SEMA5A: variants seen among roughly 807,000 people sequenced by gnomAD.
The protein encoded by SEMA5A is semaphorin 5A, also known as semaphorin-5A.
SEMA5A carries 55 observed loss-of-function variants against 135.5 expected under a neutral mutation model. The ratio of observed to expected loss-of-function variants is 0.41; its 90% confidence interval spans 0.33 to 0.51. The LOEUF (loss-of-function observed/expected upper bound fraction) is 0.51, where lower values mean the gene tolerates loss of function less well. SEMA5A is among the 20% of genes least tolerant of loss of function. The pLI, the probability that SEMA5A is intolerant of heterozygous loss-of-function variation, is 0.37. For missense variants in SEMA5A, 1,290 were observed against 1,419.9 expected, an observed-to-expected ratio of 0.91 and a Z score of 1.47; for synonymous variants, 580 against 546.5, an observed-to-expected ratio of 1.06 and a Z score of -0.85.
chr5:9,399,499 TG>T (rs1323802375), intron 2 of SEMA5A, among the ~76,000 whole-genome samples: 2 of 152,164 alleles, frequency 1.3e-5, no homozygotes, highest in African/African-American at 2.4e-5. Flanking sequence ...TGGATACGGG[TG>T]TTCTTTCTGG....
chr5:9,047,631 T>C (rs1014006227), intron 21 of SEMA5A, among the ~76,000 whole-genome samples: 2 of 152,158 alleles, frequency 1.3e-5, no homozygotes, highest in Admixed American at 1.3e-4. Flanking sequence ...TGTACAATGA[T>C]TGATTTTCAA....
intron 10 of SEMA5A, among the ~76,000 whole-genome samples, chr5:9,196,852 A>G (rs1161604738): frequency 6.6e-6 from 1 of 152,184 alleles, no homozygotes; most frequent in East Asian, 1.9e-4. Context: ...AGAGATTCTG[A>G]GGACACAGAG....
intron 4 of SEMA5A, among the ~76,000 whole-genome samples, chr5:9,325,923 C>A (rs967967153): frequency 2.0e-5 from 3 of 152,192 alleles, no homozygotes; most frequent in South Asian, 2.1e-4. Flanking sequence ...TGTACTAGAG[C>A]AAATGAAGGC....
chr5:9,298,629 A>G (rs1417322493), intron 5 of SEMA5A, among the ~76,000 whole-genome samples: 1 of 152,238 alleles, frequency 6.6e-6, no homozygotes, highest in African/African-American at 2.4e-5. Flanking sequence ...TTAAGTTTCT[A>G]GTGCTGTACT....
chr5:9,431,030 G>A (rs1421915810), intron 2 of SEMA5A, among the ~76,000 whole-genome samples: 1 of 152,108 alleles, frequency 6.6e-6, no homozygotes, highest in East Asian at 1.9e-4. Flanking sequence ...CTTAAGTACT[G>A]TAGGAGCAAA....
At position 9,265,619 on chromosome 5, in the gene SEMA5A, A is replaced by G. The variant is rs543956959; in HGVS notation, c.271-27729T>C. On this transcript the variant is annotated intron_variant, in intron 5 of 22. Coordinates refer to ENST00000382496, the MANE Select transcript of SEMA5A (RefSeq NM_003966.3). Reference sequence around the variant, plus strand: ...TGGCGTCCCATGTTCAGCTATCCCCATAACTCTAGGGCAAGGGATCCCTCC... The same window carrying G: ...TGGCGTCCCATGTTCAGCTATCCCCGTAACTCTAGGGCAAGGGATCCCTCC... 4.9e-5 allele frequency: 22 copies of G among 448,662 alleles called. No individual in the cohort carries two copies. The East Asian group carries it at 1.4e-3, about 29-fold the overall frequency. The allele number at this position is 448,662 out of a possible 1,614,324, so 27.8% of individuals were successfully genotyped here.
At chr5:9,423,622 G>C (rs1448777059) in intron 2 of SEMA5A, among the ~76,000 whole-genome samples, 1 of 152,196 alleles carries the variant, frequency 6.6e-6, no homozygotes, top group African/African-American at 2.4e-5. Context: ...ATTTCTCTTT[G>C]ATAGAAAATC....
rs549553450 is a variant in SEMA5A, at chr5:9,096,384, T to C, written c.2073+11756A>G. 5.3e-4 allele frequency among the ~76,000 whole-genome samples: 81 copies of C among 152,330 alleles called. 1 individual carries two copies. Among genetic ancestry groups the C allele is most frequent in the African/African-American group, 1.9e-3 (78 of 41,584 alleles). ...CCAACCTAACAACCACTGTTTTATT[T>C]TCTCTCTCCATATATGAGACCTTTT... On this transcript the variant is annotated intron_variant, in intron 16 of 22. Transcript: ENST00000382496.
chr5:9,080,720 A>C (rs1360421792), intron 16 of SEMA5A, among the ~76,000 whole-genome samples: 2 of 152,152 alleles, frequency 1.3e-5, no homozygotes, highest in East Asian at 3.9e-4. Context: ...CAGGGTCCAC[A>C]GGTGAACAGT....
At chr5:9,220,259 C>A (rs1746861373) in intron 8 of SEMA5A, among the ~76,000 whole-genome samples, 3 of 152,158 alleles carry the variant, frequency 2.0e-5, no homozygotes, top group South Asian at 4.1e-4. Context: ...ACGGTGTACA[C>A]TGTTCAGGTG....
chr5:9,107,388 C>CT (rs1739978608), intron 16 of SEMA5A, among the ~76,000 whole-genome samples: 1 of 151,992 alleles, frequency 6.6e-6, no homozygotes, highest in Non-Finnish European at 1.5e-5. Flanking sequence ...CATGCATTCT[C>CT]TTTTATCCTC....
chr5:9,320,500 T>C (rs1752580135), intron 4 of SEMA5A, among the ~76,000 whole-genome samples: 1 of 152,116 alleles, frequency 6.6e-6, no homozygotes, highest in African/African-American at 2.4e-5. Context: ...ACTTGAGTCC[T>C]GGAGTTCTAG....
rs985909669 is a variant in SEMA5A, at chr5:9,040,736, T to C, written c.*2161A>G. ...AAGACTCATTAAAGACCAGCTTCGATGCCATTTAGAAACCATTTCCCATCA... is the reference window on the plus strand; with the variant it reads ...AAGACTCATTAAAGACCAGCTTCGACGCCATTTAGAAACCATTTCCCATCA... On this transcript the variant is annotated 3_prime_UTR_variant, in exon 23 of 23. Transcript: ENST00000382496. 1 of 152,232 alleles carries C rather than the reference T, an allele frequency of 6.6e-6. No homozygotes were observed. The highest frequency in any genetic ancestry group is 1.5e-5 in the Non-Finnish European group (1 of 68,036). The allele number at this position is 152,232 out of a possible 1,614,324, so 9.4% of individuals were successfully genotyped here.
chr5:9,257,453 T>A (rs947920258), intron 5 of SEMA5A, among the ~76,000 whole-genome samples: 1 of 151,896 alleles, frequency 6.6e-6, no homozygotes, highest in East Asian at 1.9e-4. Context: ...AGATCTTTTT[T>A]TTTTCCATTC....
chr5:9,062,139 T>C (rs982109271), intron 18 of SEMA5A, among the ~76,000 whole-genome samples: 8 of 152,120 alleles, frequency 5.3e-5, no homozygotes, highest in African/African-American at 1.9e-4. Flanking sequence ...TTAGTTCCTT[T>C]TACAATCAGA....
At chr5:9,317,177 G>A (rs805144) in intron 5 of SEMA5A, among the ~76,000 whole-genome samples, 151,930 of 152,354 alleles carry the variant, frequency 1, 75,756 homozygotes, top group Middle Eastern at 1. Flanking sequence ...CTCCAGTTAT[G>A]TACTAAATTG....
chr5:9,178,634 A>G (rs1744339917), intron 11 of SEMA5A, among the ~76,000 whole-genome samples: 1 of 152,042 alleles, frequency 6.6e-6, no homozygotes, highest in Admixed American at 6.6e-5. Flanking sequence ...CAGCCAGATA[A>G]GCTCTCTTTT....
At chr5:9,248,460 G>A (rs959087000) in intron 5 of SEMA5A, among the ~76,000 whole-genome samples, 3 of 151,556 alleles carry the variant, frequency 2.0e-5, no homozygotes, top group African/African-American at 2.4e-5. Context: ...ACAACTTTGT[G>A]TATATCTGAG....
Position 9,545,216 on chromosome 5 carries a change from C to T in SEMA5A, c.-175+368G>A, listed in dbSNP as rs951892351. ...TGCCCCCGGCTCGCGGCAGTGCGAG[C>T]CTGGAGGCGCGCCGGGGGCGGGCAC... On this transcript the variant is annotated intron_variant, in intron 1 of 22. Transcript: ENST00000382496. The surrounding 1 kb of genome is among the most constrained non-coding windows in gnomAD (Gnocchi z 4.5). 3.3e-5 allele frequency among the ~76,000 whole-genome samples: 5 copies of T among 152,086 alleles called. No individual in the cohort carries two copies. The highest frequency in any genetic ancestry group is 5.9e-5 in the Non-Finnish European group (4 of 68,004).
Sources: gnomAD v4.1 joint callset for allele counts (sites outside exome capture counted in the v4.1 genomes callset) on GRCh38, gnomAD v4.1.1 for gene constraint, Gnocchi (gnomAD v3.1) non-coding constraint, MANE v1.5 for transcripts, NCBI Gene and HGNC (gene_info 2026-07-23, HGNC 2026-07-21) for gene names.